Variants in C13orf42 observed in about 807,000 individuals in gnomAD.
C13orf42 encodes chromosome 13 open reading frame 42.
At chr13:51,101,283 T>G (rs1360962073) in intron 1 of C13orf42, among the ~76,000 whole-genome samples, 1 of 152,214 alleles carries the variant, frequency 6.6e-6, no homozygotes, top group Non-Finnish European at 1.5e-5. Flanking sequence ...CTAAAAATTA[T>G]ACAGTGAGTA....
intron 1 of C13orf42, among the ~76,000 whole-genome samples, chr13:51,103,283 G>T (rs529370229): frequency 6.6e-6 from 1 of 152,250 alleles, no homozygotes; most frequent in African/African-American, 2.4e-5. Flanking sequence ...GGCCCTAAAA[G>T]TGTGGGGAGC....
intron 1 of C13orf42, among the ~76,000 whole-genome samples, chr13:51,099,021 G>A (rs558971993): frequency 6.6e-6 from 1 of 152,200 alleles, no homozygotes; most frequent in African/African-American, 2.4e-5. Flanking sequence ...TCATTCAACT[G>A]GGTGAAATTA....
rs374108603 is a variant in C13orf42 at position 51,121,538 on chromosome 13, CT to C, written n.137-8317del. On this transcript the variant is annotated intron_variant and non_coding_transcript_variant, in intron 1 of 4. Transcript: ENST00000433280. Reference sequence around the variant, plus strand: ...AGTACTCTAGCCTGAAAAAAATTTTCTTTTTTTTTTTTTTTGAGACAGAGTC... The same window carrying C: ...AGTACTCTAGCCTGAAAAAAATTTTCTTTTTTTTTTTTTTGAGACAGAGTC... 1.3e-3 allele frequency among the ~76,000 whole-genome samples: 184 copies of C among 137,758 alleles called. 1 individual carries two copies. The highest frequency in any genetic ancestry group is 3.8e-3 in the Middle Eastern group (1 of 264). 90.4% of individuals were successfully genotyped at this position (137,758 alleles called of 152,430 possible). A position where few individuals can be genotyped will look rare whatever the true frequency, so the allele number is the denominator to read the frequency against.
At chr13:51,121,538 C>CTTTTTTTTTTT (rs374108603) in intron 1 of C13orf42, among the ~76,000 whole-genome samples, 1 of 137,826 alleles carries the variant, frequency 7.3e-6, no homozygotes, top group African/African-American at 2.7e-5. Context: ...AAAAAATTTT[C>CTTTTTTTTTTT]TTTTTTTTTT....
intron 1 of C13orf42, among the ~76,000 whole-genome samples, chr13:51,122,584 A>G (rs1953545602): frequency 6.6e-6 from 1 of 152,080 alleles, no homozygotes; most frequent in South Asian, 2.1e-4. Context: ...AGAAAGAGAA[A>G]AGAAAGCACT....
Position 51,110,819 on chromosome 13 carries a change from G to A in C13orf42, c.391C>T (p.Arg131Trp), listed in dbSNP as rs1015388787. ...SSKGGKKTPV[R>W]STPKEIKKAT... Reference sequence around the variant, plus strand: ...ACCTTTATTTCTTTGGGAGTAGACCGGACAGGAGTCTTTTTCCCTCCCTTG... The same window carrying A: ...ACCTTTATTTCTTTGGGAGTAGACCAGACAGGAGTCTTTTTCCCTCCCTTG... The change falls in exon 1 of 4, where the codon CGG becomes TGG. Residue 131 changes from arginine (R) to tryptophan (W), a missense_variant. Coordinates refer to ENST00000563710, the MANE Select transcript of C13orf42 (RefSeq NM_001351589.3). 2 of 398,482 alleles carry A rather than the reference G, an allele frequency of 5.0e-6. No homozygotes were observed. The highest frequency in any genetic ancestry group is 4.1e-5 in the African/African-American group (2 of 48,630). 24.7% of individuals were successfully genotyped at this position (398,482 alleles called of 1,614,324 possible).
rs548553518 is a variant in C13orf42, at chr13:51,146,502, T to C, written n.136+25751A>G. ...CCCATGACACAGCCTCAGGAGGTCC[T>C]GATAACATGTGCCCAAGGTGGTCTG... On this transcript the variant is annotated intron_variant and non_coding_transcript_variant, in intron 1 of 4. Coordinates refer to the C13orf42 transcript ENST00000433280. Among the ~76,000 whole-genome samples the C allele has an allele frequency of 2.6e-5, 4 of 152,322 alleles. No individual in the cohort carries two copies. In the South Asian group the frequency reaches 8.3e-4, roughly 32 times the overall value.
At chr13:51,114,019 T>G (rs978275744), upstream of C13orf42, among the ~76,000 whole-genome samples, 2 of 152,224 alleles carry the variant, frequency 1.3e-5, no homozygotes, top group African/African-American at 4.8e-5. Context: ...TATTCCAGAA[T>G]TTCTCAAATG....
chr13:51,154,526 A>C (rs993624945), intron 1 of C13orf42, among the ~76,000 whole-genome samples: 1 of 152,198 alleles, frequency 6.6e-6, no homozygotes, highest in Non-Finnish European at 1.5e-5. Flanking sequence ...AGGACTAAAG[A>C]CTTTCCATGT....
intron 2 of C13orf42, among the ~76,000 whole-genome samples, chr13:51,086,931 A>G (rs965944639): frequency 6.6e-6 from 1 of 152,130 alleles, no homozygotes; most frequent in African/African-American, 2.4e-5. Context: ...TGAAACCCCA[A>G]ATCCCACAGA....
intron 1 of C13orf42, among the ~76,000 whole-genome samples, chr13:51,140,785 G>GT (rs1240599250): frequency 6.6e-6 from 1 of 152,080 alleles, no homozygotes; most frequent in Non-Finnish European, 1.5e-5. Flanking sequence ...GAAGATGAAG[G>GT]TTTTTTCCCA....
chr13:51,121,009 G>C (rs933331791), intron 1 of C13orf42, among the ~76,000 whole-genome samples: 2 of 152,160 alleles, frequency 1.3e-5, no homozygotes, highest in Non-Finnish European at 1.5e-5. Flanking sequence ...GCGAGACTCC[G>C]TCTCAATAAA....
chr13:51,117,036 G>C (rs1021354196), intron 1 of C13orf42, among the ~76,000 whole-genome samples: 1 of 152,228 alleles, frequency 6.6e-6, no homozygotes, highest in Non-Finnish European at 1.5e-5. Flanking sequence ...AGATTAAGGG[G>C]AGGGGACTAC....
intron 1 of C13orf42, among the ~76,000 whole-genome samples, chr13:51,104,589 G>A (rs1346487187): frequency 1.3e-5 from 2 of 152,164 alleles, no homozygotes; most frequent in Admixed American, 1.3e-4. Context: ...ATGAAGTGCT[G>A]TGTGAAAATG....
At chr13:51,171,347 C>T (rs560851126) in intron 1 of C13orf42, among the ~76,000 whole-genome samples, 45 of 152,246 alleles carry the variant, frequency 3.0e-4, no homozygotes, top group Non-Finnish European at 5.1e-4. Context: ...GTAAAATAGG[C>T]AAACGGTCTG....
upstream of C13orf42, among the ~76,000 whole-genome samples, chr13:51,115,775 C>T (rs980725915): frequency 2.6e-5 from 4 of 152,138 alleles, no homozygotes; most frequent in Non-Finnish European, 4.4e-5. Context: ...TTACAAAGTT[C>T]GACAACGTGT....
intron 1 of C13orf42, among the ~76,000 whole-genome samples, chr13:51,139,993 T>A (rs767010040): frequency 6.6e-6 from 1 of 152,092 alleles, no homozygotes; most frequent in Non-Finnish European, 1.5e-5. Flanking sequence ...TGGTAAGAAG[T>A]GTGAAAGAAA....
At chr13:51,088,659 C>T (rs896673425) in intron 1 of C13orf42, among the ~76,000 whole-genome samples, 40 of 152,132 alleles carry the variant, frequency 2.6e-4, no homozygotes, top group Non-Finnish European at 4.3e-4. Context: ...TCATGTACCC[C>T]ATAAATATAT....
intron 1 of C13orf42, among the ~76,000 whole-genome samples, chr13:51,142,137 T>G (rs1007590640): frequency 6.6e-6 from 1 of 152,228 alleles, no homozygotes; most frequent in Non-Finnish European, 1.5e-5. Flanking sequence ...GCATCTTGAA[T>G]TTAGTAATAT....
Sources: allele counts gnomAD v4.1 joint callset (sites outside exome capture counted in the v4.1 genomes callset), GRCh38; gene constraint gnomAD v4.1.1; transcripts MANE v1.5; gene names NCBI Gene and HGNC (gene_info 2026-07-23, HGNC 2026-07-21).